The following ZNF407 variants were observed in gnomAD, a reference collection of about 807,000 sequenced individuals.
ZNF407 encodes zinc finger protein 407.
Under a neutral mutation model 131.2 loss-of-function variants are expected in ZNF407, and 17 were observed. The ratio of observed to expected loss-of-function variants is 0.13; its 90% CI spans 0.09 to 0.19. The LOEUF is 0.19. Among genes scored for constraint, ZNF407 ranks in the 10% least tolerant of loss-of-function variants. ZNF407 has a pLI of 1.00. For synonymous variants in ZNF407, 1,156 were observed against 1,062.0 expected, an observed-to-expected ratio of 1.09 and a Z score of -1.72; for missense variants, 2,681 against 2,830.6, an observed-to-expected ratio of 0.95 and a Z score of 1.20.
At chr18:74,779,602 T>G (rs935396180) in intron 3 of ZNF407, among the ~76,000 whole-genome samples, 4 of 152,200 alleles carry the variant, frequency 2.6e-5, no homozygotes, top group Non-Finnish European at 5.9e-5. Context: ...TAATAAAAAT[T>G]ATTATTTCAC....
At chr18:74,957,405 GT>G (rs1319112305) in intron 8 of ZNF407, among the ~76,000 whole-genome samples, 2 of 151,978 alleles carry the variant, frequency 1.3e-5, no homozygotes, top group African/African-American at 2.4e-5. Flanking sequence ...AACTTACGGG[GT>G]TTTTTGGAAT....
At chr18:74,971,843 C>T (rs961418184) in intron 8 of ZNF407, among the ~76,000 whole-genome samples, 5 of 152,176 alleles carry the variant, frequency 3.3e-5, no homozygotes, top group African/African-American at 1.2e-4. Context: ...CATTTTCATG[C>T]TGCTGATAAA....
intron 4 of ZNF407, among the ~76,000 whole-genome samples, chr18:74,839,270 T>C (rs1970599810): frequency 6.6e-6 from 1 of 152,170 alleles, no homozygotes; most frequent in South Asian, 2.1e-4. Context: ...GAACATAGAG[T>C]ATCTGTCAGA....
At chr18:74,956,766 G>A (rs1230767376) in intron 8 of ZNF407, among the ~76,000 whole-genome samples, 3 of 152,130 alleles carry the variant, frequency 2.0e-5, no homozygotes, top group African/African-American at 7.2e-5. Context: ...GTCTTGTCCA[G>A]GGCTTTCATG....
intron 8 of ZNF407, among the ~76,000 whole-genome samples, chr18:75,024,909 A>G (rs570846846): frequency 2.0e-5 from 3 of 152,346 alleles, no homozygotes; most frequent in East Asian, 3.9e-4. Flanking sequence ...TTGCACACCA[A>G]CCAGACTAGG....
intron 4 of ZNF407, among the ~76,000 whole-genome samples, chr18:74,821,594 A>G (rs756317008): frequency 6.6e-6 from 1 of 152,182 alleles, no homozygotes; most frequent in Non-Finnish European, 1.5e-5. Context: ...TGCACAGGAC[A>G]TGAACTCATC....
intron 8 of ZNF407, among the ~76,000 whole-genome samples, chr18:74,941,293 C>T (rs1156809320): frequency 6.6e-6 from 1 of 152,178 alleles, no homozygotes; most frequent in Non-Finnish European, 1.5e-5. Flanking sequence ...TGTCTGAAGT[C>T]GGTGTAGCAT....
chr18:74,685,285 T>C (rs1223039799), intron 3 of ZNF407, among the ~76,000 whole-genome samples: 1 of 152,178 alleles, frequency 6.6e-6, no homozygotes, highest in Non-Finnish European at 1.5e-5. Flanking sequence ...TAAGTAGACA[T>C]TGAAACACCC....
intron 8 of ZNF407, among the ~76,000 whole-genome samples, chr18:75,049,429 G>C (rs1973474328): frequency 1.3e-5 from 2 of 152,128 alleles, no homozygotes; most frequent in Admixed American, 1.3e-4. Context: ...TGCTCTGATA[G>C]GCCCACGCGT....
chr18:74,865,754 C>A (rs892026336), intron 4 of ZNF407, among the ~76,000 whole-genome samples: 2 of 152,156 alleles, frequency 1.3e-5, no homozygotes, highest in Admixed American at 6.5e-5. Flanking sequence ...GTAAAAAATT[C>A]ATAATTGCAC....
intron 4 of ZNF407, among the ~76,000 whole-genome samples, chr18:74,868,209 G>A: frequency 6.6e-6 from 1 of 152,184 alleles, no homozygotes; most frequent in East Asian, 1.9e-4. Context: ...AAGCACAGCA[G>A]CATTGCTATA....
intron 4 of ZNF407, among the ~76,000 whole-genome samples, chr18:74,855,955 G>A (rs1160743635): frequency 6.6e-6 from 1 of 152,138 alleles, no homozygotes; most frequent in Non-Finnish European, 1.5e-5. Context: ...TTATCACTTT[G>A]TCAAAGGCTG....
intron 4 of ZNF407, among the ~76,000 whole-genome samples, chr18:74,845,580 A>G (rs1274340484): frequency 6.6e-6 from 1 of 152,176 alleles, no homozygotes; most frequent in Non-Finnish European, 1.5e-5. Context: ...AAAGTTCATA[A>G]TTTGATTGTA....
chr18:74,877,507 A>G, intron 5 of ZNF407, 144 bp downstream of exon 5: 1 of 826,732 alleles, frequency 1.2e-6, no homozygotes, highest in East Asian at 2.5e-5. Context: ...TTATGTATTT[A>G]TAGGTATGGT....
At chr18:74,616,221 G>A (rs1489855680) in intron 1 of ZNF407, among the ~76,000 whole-genome samples, 2 of 152,194 alleles carry the variant, frequency 1.3e-5, no homozygotes, top group African/African-American at 2.4e-5. Context: ...TTTAAGACTG[G>A]TATGGGCACC....
At chr18:74,793,496 G>A (rs2145054597) in intron 4 of ZNF407, among the ~76,000 whole-genome samples, 1 of 152,254 alleles carries the variant, frequency 6.6e-6, no homozygotes, top group African/African-American at 2.4e-5. Context: ...TAGTCCTTTA[G>A]TACAAAAACT....
chr18:75,030,026 T>C (rs749699408), intron 8 of ZNF407, among the ~76,000 whole-genome samples: 10 of 152,142 alleles, frequency 6.6e-5, no homozygotes, highest in Non-Finnish European at 1.3e-4. Flanking sequence ...ATTGAAGAGC[T>C]TTTTCTAAGT....
chr18:74,879,977 T>C (rs899223284), intron 5 of ZNF407, among the ~76,000 whole-genome samples: 2 of 152,212 alleles, frequency 1.3e-5, no homozygotes, highest in Non-Finnish European at 2.9e-5. Flanking sequence ...CCAAAGTGAT[T>C]TGGGACAACA....
Position 74,763,196 on chromosome 18 carries a change from C to CTTTTTTTTTTTTTTTTTTTTTTTTTT in ZNF407, c.4803-18230_4803-18205dup, listed in dbSNP as rs71170316. 3.4e-4 allele frequency among the ~76,000 whole-genome samples: 6 copies of CTTTTTTTTTTTTTTTTTTTTTTTTTT among 17,784 alleles called. 2 individuals are homozygous for CTTTTTTTTTTTTTTTTTTTTTTTTTT. The highest frequency in any genetic ancestry group is 4.5e-4 in the African/African-American group (3 of 6,616). 11.7% of individuals were successfully genotyped at this position (17,784 alleles called of 152,430 possible). ...ATGATTTTGAGCATCTTCTTAGGAC[C>CTTTTTTTTTTTTTTTTTTTTTTTTTT]TTTTTTTTTTTTTTTTTTTTTTTTT... On this transcript the variant is annotated intron_variant, in intron 3 of 8. Coordinates refer to ENST00000299687, the MANE Select transcript of ZNF407 (RefSeq NM_017757.3).
Sources: allele counts gnomAD v4.1 joint callset (sites outside exome capture counted in the v4.1 genomes callset), GRCh38; gene constraint gnomAD v4.1.1; transcripts MANE v1.5; gene names NCBI Gene and HGNC (gene_info 2026-07-23, HGNC 2026-07-21).